PTGFRN: variants seen among roughly 807,000 people sequenced by gnomAD.
PTGFRN encodes the protein prostaglandin F2 receptor negative regulator.
A neutral mutation model predicts 83.2 loss-of-function variants in PTGFRN; 35 were observed. The observed-to-expected ratio is 0.42, with a 90% CI of 0.32 to 0.56. The LOEUF is 0.56. PTGFRN is among the 20% of genes least tolerant of loss of function. The pLI is 0.11. For missense variants in PTGFRN, 1,051 were observed against 1,179.5 expected (o/e 0.89, Z 1.60); for synonymous variants, 519 against 498.6 (o/e 1.04, Z -0.55).
chr1:116,944,756 G>C lies in PTGFRN; in HGVS notation c.496G>C (p.Glu166Gln). 2 of 1,517,422 alleles carry C rather than the reference G, an allele frequency of 1.3e-6. No homozygotes were observed. The highest frequency in any genetic ancestry group is 2.5e-5 in the East Asian group (1 of 39,504). The allele number at this position is 1,517,422 out of a possible 1,614,324, so 94.0% of individuals were successfully genotyped here. The change falls in exon 3 of 9, where the codon GAG becomes CAG. Residue 166 changes from glutamate (E) to glutamine (Q), a missense_variant. Around this residue, in one of 3 missense-constraint regions of PTGFRN, gnomAD observed 205 missense variants for 174.5 expected, o/e 1.17. Transcript: ENST00000393203. ...GAGCCTGCGGGAGGGGGAGCCCTTC[G>C]AGCTGCGCTGCACCGCCGCCTCCGC... is the stretch of plus-strand genomic sequence containing the variant. ...SLSLREGEPFELRCTAASASP... is the reference protein window; with the variant it reads ...SLSLREGEPFQLRCTAASASP...
chr1:116,927,525 C>CTTTTT (rs1171564821), intron 1 of PTGFRN, among the ~76,000 whole-genome samples: 1 of 124,418 alleles, frequency 8.0e-6, no homozygotes, highest in African/African-American at 3.9e-5. Context: ...CCTTGCTTAC[C>CTTTTT]TTTTTTTTTT....
chr1:116,979,764 A>C (rs1248193960), intron 7 of PTGFRN, among the ~76,000 whole-genome samples: 1 of 152,248 alleles, frequency 6.6e-6, no homozygotes, highest in Non-Finnish European at 1.5e-5. Flanking sequence ...AAACCATAAA[A>C]ACCCTAGAAG....
At position 116,944,704 on chromosome 1, in the gene PTGFRN, C is replaced by T. The variant is rs753985047; in HGVS notation, c.444C>T (p.Gly148=). 2.1e-6 allele frequency: 3 copies of T among 1,421,516 alleles called. No homozygotes were observed. The highest frequency in any genetic ancestry group is 1.5e-5 in the African/African-American group (1 of 66,700). The allele number at this position is 1,421,516 out of a possible 1,614,324, so 88.1% of individuals were successfully genotyped here. ...VKVLADSLHV[G]PSARPPPSLS... ...TGCTGGCCGACTCCCTGCACGTGGG[C>T]CCCAGCGCGCGGCCCCCGCCGAGCC... Residue 148 remains glycine (G), a synonymous_variant, in exon 3 of 9, where the codon GGC becomes GGT. Coordinates refer to ENST00000393203, the MANE Select transcript of PTGFRN (RefSeq NM_020440.4).
At position 116,967,292 on chromosome 1, in the gene PTGFRN, G is replaced by A; in HGVS notation, c.2021G>A (p.Ser674Asn). 1.9e-6 allele frequency: 3 copies of A among 1,614,160 alleles called. No individual in the cohort carries two copies. The highest frequency in any genetic ancestry group is 2.5e-6 in the Non-Finnish European group (3 of 1,179,990). ...AGCCTTTGGCGAGAAGCAGCAACCA[G>A]TCTCTCCAATCCTATTGAGATAGAC... ...RGSLWREAAT[S>N]LSNPIEIDFQ... is the part of the protein sequence containing the mutation. The change falls in exon 6 of 9, where the codon AGT (serine) becomes AAT (asparagine). Residue 674 changes from serine (S) to asparagine (N), a missense_variant. By Grantham distance (46) the Ser-to-Asn change is conservative. Around this residue, in one of 3 missense-constraint regions of PTGFRN, gnomAD observed 719 missense variants for 836.6 expected, o/e 0.86. Transcript: ENST00000393203.
chr1:116,939,346 G>A (rs1428444278), intron 1 of PTGFRN, among the ~76,000 whole-genome samples: 1 of 152,244 alleles, frequency 6.6e-6, no homozygotes, highest in African/African-American at 2.4e-5. Context: ...AAATAGAGGA[G>A]GAGGTTCCCA....
chr1:116,971,606 A>T (rs1371774216), intron 6 of PTGFRN, among the ~76,000 whole-genome samples: 1 of 152,200 alleles, frequency 6.6e-6, no homozygotes, highest in East Asian at 1.9e-4. Flanking sequence ...GACCCATATT[A>T]ACAGTGAGCT....
At chr1:116,984,553 C>A in intron 7 of PTGFRN, 127 bp from the exon 8 acceptor site, 1 of 827,152 alleles carries the variant, frequency 1.2e-6, no homozygotes, top group South Asian at 1.8e-5. Flanking sequence ...TGTGAGGATC[C>A]AGTGAGACCG....
chr1:116,931,906 C>G (rs1375838876), intron 1 of PTGFRN, among the ~76,000 whole-genome samples: 1 of 152,160 alleles, frequency 6.6e-6, no homozygotes, highest in Non-Finnish European at 1.5e-5. Flanking sequence ...CACCCATTTA[C>G]AAGGCATGCT....
At chr1:116,944,210 C>A (rs1256619822) in intron 2 of PTGFRN, among the ~76,000 whole-genome samples, 2 of 152,196 alleles carry the variant, frequency 1.3e-5, no homozygotes, top group African/African-American at 4.8e-5. Context: ...GCTCCCTAGC[C>A]TAGCCCTGGT....
rs1208906775 is a variant in PTGFRN at position 116,949,209 on chromosome 1, C to T, written c.850C>T (p.Pro284Ser). ...TTTTCAAGTTCTGCGAGCAGCTGTG[C>T]CCAAGAATGTGTCTGTGGCTGAAGG... ...IQPSVLRAAV[P>S]KNVSVAEGKE... The change falls in exon 4 of 9, where the codon CCC becomes TCC. Residue 284 changes from proline to serine, a missense_variant. Coordinates refer to ENST00000393203, the MANE Select transcript of PTGFRN (RefSeq NM_020440.4). The T allele has an allele frequency of 1.3e-6, 2 of 1,593,624 alleles. No homozygotes were observed. Among genetic ancestry groups the T allele is most frequent in the South Asian group, 1.1e-5 (1 of 88,830 alleles).
chr1:116,976,731 C>T (rs911570936), intron 7 of PTGFRN, among the ~76,000 whole-genome samples: 10 of 152,162 alleles, frequency 6.6e-5, no homozygotes, highest in Non-Finnish European at 1.5e-4. Flanking sequence ...AAGCACTAAA[C>T]ATGGAAAGGA....
intron 5 of PTGFRN, 144 bp from the exon 6 acceptor site, chr1:116,966,763 TTTTC>T: frequency 1.2e-6 from 1 of 829,692 alleles, no homozygotes; most frequent in Non-Finnish European, 1.8e-6. Flanking sequence ...ATACACATGA[TTTTC>T]TTTCTGAGTT....
chr1:116,946,413 T>G (rs997769388), intron 3 of PTGFRN, among the ~76,000 whole-genome samples: 2 of 152,178 alleles, frequency 1.3e-5, no homozygotes, highest in African/African-American at 4.8e-5. Flanking sequence ...CCAGATGGAC[T>G]TAGGTTACCT....
chr1:116,915,071 C>T (rs1283323592), intron 1 of PTGFRN, among the ~76,000 whole-genome samples: 1 of 152,206 alleles, frequency 6.6e-6, no homozygotes, highest in East Asian at 1.9e-4. Context: ...CATACAGATT[C>T]TTCCTAGCAG....
At position 116,944,930 on chromosome 1, in the gene PTGFRN, A is replaced by G; in HGVS notation, c.670A>G (p.Thr224Ala). 1 of 1,613,014 alleles carries G rather than the reference A, an allele frequency of 6.2e-7. No individual in the cohort carries two copies. Among genetic ancestry groups the G allele is most frequent in the South Asian group, 1.1e-5 (1 of 91,068 alleles). ...CCACAGTGGGGACGTGCGCCTCGAC[A>G]CCGTGGGCAGCGACGCCTACCGCCT... ...RYHSGDVRLD[T>A]VGSDAYRLSV... The change falls in exon 3 of 9, where the codon ACC becomes GCC. Residue 224 changes from threonine to alanine, a missense_variant. Thr to Ala is a moderately conservative substitution (Grantham distance 58). This residue lies in a region of PTGFRN where 205 missense variants were observed against 174.5 expected (regional missense o/e 1.17). Transcript: ENST00000393203.
chr1:116,984,670 T>C lies in PTGFRN; in HGVS notation c.2168-10T>C, dbSNP rs1030388353. The C allele has an allele frequency of 5.6e-6, 9 of 1,610,644 alleles. No homozygotes were observed. The highest frequency in any genetic ancestry group is 5.5e-5 in the South Asian group (5 of 90,574). On this transcript the variant is annotated splice_polypyrimidine_tract_variant and intron_variant, in intron 7 of 8. Transcript: ENST00000393203. ...CACTGACCCCAGGGTTTTGGCTTGG[T>C]AATCCGTAGATGACATGGCCTTTGA...
rs1384765696 is a variant in PTGFRN, at chr1:116,944,846, G to T, written c.586G>T (p.Val196Phe). 6.3e-7 allele frequency: 1 copy of T among 1,595,624 alleles called. No homozygotes were observed. The highest frequency in any genetic ancestry group is 8.5e-7 in the Non-Finnish European group (1 of 1,173,392). Reference protein sequence around the residue: ...EVHRGPARRSVLALTHEGRFH... With the variant: ...EVHRGPARRSFLALTHEGRFH... ...GCACCGCGGCCCGGCCAGGCGGAGC[G>T]TCCTCGCCCTGACCCACGAGGGCAG... is the stretch of plus-strand genomic sequence containing the variant. Residue 196 changes from valine (V) to phenylalanine (F), a missense_variant, in exon 3 of 9, where the codon GTC (valine) becomes TTC (phenylalanine). Physicochemically the swap from Val to Phe is conservative, Grantham distance 50. Around this residue, in one of 3 missense-constraint regions of PTGFRN, gnomAD observed 205 missense variants for 174.5 expected, o/e 1.17. Transcript: ENST00000393203.
At chr1:116,984,501 T>C (rs1425323090) in intron 7 of PTGFRN, among the ~76,000 whole-genome samples, 179 bp from the exon 8 acceptor site, 1 of 152,212 alleles carries the variant, frequency 6.6e-6, no homozygotes, top group Non-Finnish European at 1.5e-5. Flanking sequence ...CTGGCAATAA[T>C]GGCAGAATAA....
intron 5 of PTGFRN, among the ~76,000 whole-genome samples, chr1:116,964,887 C>T (rs1029331222): frequency 6.6e-6 from 1 of 152,266 alleles, no homozygotes; most frequent in African/African-American, 2.4e-5. Context: ...CCACCCTTGC[C>T]TGGATTACAT....
Sources: gnomAD v4.1 joint callset for allele counts (sites outside exome capture counted in the v4.1 genomes callset) on GRCh38, gnomAD v4.1.1 for gene constraint, gnomAD v4.1.1 regional missense constraint, MANE v1.5 for transcripts, NCBI Gene and HGNC (gene_info 2026-07-23, HGNC 2026-07-21) for gene names.